Variants in PRKCA observed in about 807,000 individuals in gnomAD.
PRKCA encodes protein kinase C alpha, also known as protein kinase C alpha type.
Under a neutral mutation model 87.0 loss-of-function variants are expected in PRKCA, and 27 were observed. The ratio of observed to expected loss-of-function variants is 0.31; its 90% CI spans 0.23 to 0.43. The LOEUF (loss-of-function observed/expected upper bound fraction) is 0.43. PRKCA is among the 20% of genes least tolerant of loss of function. PRKCA has a pLI of 1.00. For missense variants in PRKCA, 518 were observed against 852.3 expected (o/e 0.61, Z 4.88); for synonymous variants, 329 against 311.1 (o/e 1.06, Z -0.61).
At chr17:66,566,472 GTTTTTTGGTTT>G (rs1968892457) in intron 3 of PRKCA, among the ~76,000 whole-genome samples, 1 of 66,168 alleles carries the variant, frequency 1.5e-5, no homozygotes, top group African/African-American at 6.3e-5. Context: ...AACTGTTGTT[GTTTTTTGGTTT>G]TTTTTTTTTT....
chr17:66,453,225 G>C (rs1914410786), intron 2 of PRKCA, among the ~76,000 whole-genome samples: 2 of 152,178 alleles, frequency 1.3e-5, no homozygotes. Context: ...GGGGACTTGA[G>C]GGAATCCCAG....
Position 66,742,607 on chromosome 17 carries a change from C to G in PRKCA, c.1386-15C>G. 2 of 1,613,128 alleles carry G rather than the reference C, an allele frequency of 1.2e-6. No homozygotes were observed. The highest frequency in any genetic ancestry group is 1.7e-6 in the Non-Finnish European group (2 of 1,179,526). ...GTCATGGGAAGGACTCTGATGTTAA[C>G]CCGGTTCCTTGCAGGGATCTGAAGT... is the stretch of plus-strand genomic sequence containing the variant. On this transcript the variant is annotated splice_polypyrimidine_tract_variant and intron_variant, in intron 12 of 16. Transcript: ENST00000413366.
intron 2 of PRKCA, among the ~76,000 whole-genome samples, chr17:66,425,688 G>A (rs1485512402): frequency 6.6e-6 from 1 of 152,176 alleles, no homozygotes; most frequent in East Asian, 1.9e-4. Context: ...AGAAAAGAAT[G>A]TGTTGTGTCT....
At chr17:66,754,309 G>T (rs1974501289) in intron 13 of PRKCA, among the ~76,000 whole-genome samples, 1 of 151,988 alleles carries the variant, frequency 6.6e-6, no homozygotes, top group Non-Finnish European at 1.5e-5. Context: ...GCCCCAGAGG[G>T]CAGGGGCACC....
At chr17:66,356,440 C>A (rs2143454210) in intron 2 of PRKCA, among the ~76,000 whole-genome samples, 1 of 152,172 alleles carries the variant, frequency 6.6e-6, no homozygotes, top group East Asian at 1.9e-4. Context: ...TCGAGGCCAT[C>A]CTAGCTAACA....
At chr17:66,414,104 G>A (rs182722111) in intron 2 of PRKCA, among the ~76,000 whole-genome samples, 2 of 152,064 alleles carry the variant, frequency 1.3e-5, no homozygotes, top group Non-Finnish European at 1.5e-5. Context: ...AGGGTTTCAG[G>A]AGCTCTACAT....
At chr17:66,587,891 GTGTGTATATATATATATATATATA>G (rs1486685444) in intron 3 of PRKCA, among the ~76,000 whole-genome samples, 2 of 87,132 alleles carry the variant, frequency 2.3e-5, no homozygotes, top group African/African-American at 5.3e-5. Context: ...GTGTGTGTGT[GTGTGTATATATATATATATATATA>G]TATATATATA....
intron 16 of PRKCA, chr17:66,796,869 C>G (rs2144409428): frequency 3.0e-6 from 3 of 985,396 alleles, no homozygotes; most frequent in Non-Finnish European, 3.6e-6. Flanking sequence ...TGAAGTACCT[C>G]CTGCATTTGG....
At chr17:66,628,126 C>T (rs967118535) in intron 3 of PRKCA, among the ~76,000 whole-genome samples, 23 of 151,546 alleles carry the variant, frequency 1.5e-4, no homozygotes, top group African/African-American at 4.6e-4. Context: ...GCTCAGCAAG[C>T]GTCCAGCACA....
chr17:66,412,207 C>G (rs910710074), intron 2 of PRKCA, among the ~76,000 whole-genome samples: 6 of 152,096 alleles, frequency 3.9e-5, no homozygotes, highest in African/African-American at 1.4e-4. Flanking sequence ...AAGGCACACA[C>G]CACCACATCC....
At chr17:66,610,287 A>G (rs754211331) in intron 3 of PRKCA, among the ~76,000 whole-genome samples, 2 of 152,220 alleles carry the variant, frequency 1.3e-5, no homozygotes, top group African/African-American at 2.4e-5. Flanking sequence ...GGAGGGGCCC[A>G]GAGCTTCCAT....
At chr17:66,542,361 G>A (rs1459257444) in intron 3 of PRKCA, among the ~76,000 whole-genome samples, 3 of 152,128 alleles carry the variant, frequency 2.0e-5, no homozygotes, top group African/African-American at 7.2e-5. Flanking sequence ...GTGGTTGGGA[G>A]ATAGGCAGTT....
At chr17:66,734,151 C>T (rs529576317) in intron 9 of PRKCA, among the ~76,000 whole-genome samples, 5 of 152,286 alleles carry the variant, frequency 3.3e-5, no homozygotes, top group African/African-American at 1.2e-4. Flanking sequence ...AGAAAGGGGT[C>T]CTGATCCAGA....
At chr17:66,358,810 G>A (rs1340671248) in intron 2 of PRKCA, among the ~76,000 whole-genome samples, 1 of 151,818 alleles carries the variant, frequency 6.6e-6, no homozygotes, top group Non-Finnish European at 1.5e-5. Context: ...CTCCCACAAG[G>A]AAAAGTGTCT....
intron 2 of PRKCA, among the ~76,000 whole-genome samples, chr17:66,347,800 C>T (rs1443906740): frequency 6.6e-6 from 1 of 152,238 alleles, no homozygotes; most frequent in Admixed American, 6.5e-5. Flanking sequence ...ATATCCAAGT[C>T]TAAGCAACCA....
intron 8 of PRKCA, among the ~76,000 whole-genome samples, chr17:66,726,690 G>A (rs551667404): frequency 6.6e-4 from 100 of 152,098 alleles, no homozygotes; most frequent in African/African-American, 2.2e-3. Context: ...TCTCTCTGTC[G>A]TGTGGGAAGC....
At chr17:66,557,691 A>G (rs1287938584) in intron 3 of PRKCA, among the ~76,000 whole-genome samples, 1 of 152,124 alleles carries the variant, frequency 6.6e-6, no homozygotes, top group Admixed American at 6.5e-5. Flanking sequence ...AGAGCCCACA[A>G]AGGTTTTCTT....
chr17:66,744,093 G>A (rs1339665363), intron 13 of PRKCA, among the ~76,000 whole-genome samples: 1 of 152,048 alleles, frequency 6.6e-6, no homozygotes, highest in Non-Finnish European at 1.5e-5. Flanking sequence ...CCTTTGTGAA[G>A]ACCTTGTAGT....
chr17:66,741,870 C>A, intron 12 of PRKCA, 149 bp downstream of exon 12: 1 of 662,598 alleles, frequency 1.5e-6, no homozygotes. Context: ...TTCCTCCTCA[C>A]CCTGGAGGCA....
Sources: gnomAD v4.1 joint callset for allele counts (sites outside exome capture counted in the v4.1 genomes callset) on GRCh38, gnomAD v4.1.1 for gene constraint, MANE v1.5 for transcripts, NCBI Gene and HGNC (gene_info 2026-07-23, HGNC 2026-07-21) for gene names.